Variants in SGCZ observed in about 807,000 individuals in gnomAD.
SGCZ encodes zeta-sarcoglycan.
SGCZ carries 40 observed loss-of-function variants against 41.3 expected under a neutral mutation model. That is an observed-to-expected ratio of 0.97 (90% CI 0.75 to 1.26). The LOEUF is 1.26. SGCZ is among the 50% of genes most tolerant of loss of function. The probability of loss-of-function intolerance (pLI) is 0.00; values close to 1 mark genes in which losing one functional copy is unlikely to be tolerated. For missense variants in SGCZ, 552 were observed against 369.8 expected, an observed-to-expected ratio of 1.49 and a Z score of -4.04; for synonymous variants, 206 against 137.5, an observed-to-expected ratio of 1.50 and a Z score of -3.49.
At chr8:15,030,309 G>A (rs1027127307) in intron 1 of SGCZ, among the ~76,000 whole-genome samples, 17 of 151,866 alleles carry the variant, frequency 1.1e-4, no homozygotes, top group East Asian at 1.9e-4. Context: ...AAAATAGCAC[G>A]GTGAAAATCT....
chr8:14,924,288 G>A (rs763438509), intron 1 of SGCZ, among the ~76,000 whole-genome samples: 1 of 152,134 alleles, frequency 6.6e-6, no homozygotes, highest in Admixed American at 6.5e-5. Flanking sequence ...TAGAAATGAA[G>A]TTTTTCACTC....
chr8:15,080,144 G>A (rs967501874), intron 1 of SGCZ, among the ~76,000 whole-genome samples: 1 of 152,084 alleles, frequency 6.6e-6, no homozygotes, highest in African/African-American at 2.4e-5. Context: ...ATTTGCAGTG[G>A]AGGCAGAGAG....
intron 1 of SGCZ, among the ~76,000 whole-genome samples, chr8:14,593,559 T>C (rs17250457): frequency 0.21 from 32,207 of 152,118 alleles, 3,509 homozygotes; most frequent in Admixed American, 0.26. Context: ...ATGTCACAGG[T>C]ATTAATTTTC....
chr8:15,224,801 G>A (rs553972861), intron 1 of SGCZ, among the ~76,000 whole-genome samples: 1 of 152,224 alleles, frequency 6.6e-6, no homozygotes, highest in South Asian at 2.1e-4. Flanking sequence ...CGTAAAAGCT[G>A]ATATAGCTAT....
chr8:14,263,280 G>C (rs145809171), intron 3 of SGCZ, among the ~76,000 whole-genome samples: 1 of 152,130 alleles, frequency 6.6e-6, no homozygotes, highest in African/African-American at 2.4e-5. Flanking sequence ...ATCAGAAAAG[G>C]CCTCATGCCT....
intron 2 of SGCZ, among the ~76,000 whole-genome samples, chr8:14,375,902 C>T (rs985456187): frequency 6.6e-6 from 1 of 152,108 alleles, no homozygotes; most frequent in Admixed American, 6.5e-5. Flanking sequence ...AAATTGAAAG[C>T]TTAAATTATC....
chr8:14,098,990 A>C (rs1801929126), intron 7 of SGCZ, among the ~76,000 whole-genome samples: 3 of 152,140 alleles, frequency 2.0e-5, no homozygotes, highest in Non-Finnish European at 4.4e-5. Context: ...AAATTCCATA[A>C]GTTTCTGAGA....
At chr8:14,548,794 C>G (rs531910488) in intron 2 of SGCZ, among the ~76,000 whole-genome samples, 3 of 152,096 alleles carry the variant, frequency 2.0e-5, no homozygotes, top group Non-Finnish European at 4.4e-5. Context: ...ATCAGAATAT[C>G]CTGCATATGA....
At chr8:14,384,771 G>C (rs771112705) in intron 2 of SGCZ, among the ~76,000 whole-genome samples, 1 of 152,122 alleles carries the variant, frequency 6.6e-6, no homozygotes, top group Non-Finnish European at 1.5e-5. Context: ...GGCTGGTCTT[G>C]AACTCCTGGT....
chr8:14,093,603 G>A (rs1258835373), intron 7 of SGCZ, among the ~76,000 whole-genome samples: 6 of 152,162 alleles, frequency 3.9e-5, no homozygotes, highest in African/African-American at 1.2e-4. Context: ...TATTAACTGG[G>A]TGGTTGTGAA....
chr8:14,225,675 T>C (rs1254628560), intron 4 of SGCZ, among the ~76,000 whole-genome samples: 1 of 152,120 alleles, frequency 6.6e-6, no homozygotes, highest in Non-Finnish European at 1.5e-5. Context: ...TCATTGTATG[T>C]ATAATGAGCA....
chr8:14,554,819 T>C lies in SGCZ; in HGVS notation c.147A>G (p.Leu49=), dbSNP rs753136540. ...CCAACAGCAGAAGGACAAAGAAGTATAAGCACCTCTTTCGCCATCCATAAA... is the reference window on the plus strand; with the variant it reads ...CCAACAGCAGAAGGACAAAGAAGTACAAGCACCTCTTTCGCCATCCATAAA... ...VGIYGWRKRC[L]YFFVLLLLVT... is the part of the protein sequence containing the mutation. Residue 49 remains leucine (L), a synonymous_variant, in exon 2 of 8, where the codon TTA becomes TTG. Coordinates refer to ENST00000382080, the MANE Select transcript of SGCZ (RefSeq NM_139167.4). The C allele has an allele frequency of 5.6e-6, 9 of 1,613,274 alleles. No homozygotes were observed. The South Asian group carries it at 9.9e-5, about 18-fold the overall frequency.
chr8:15,211,804 T>G (rs900779642), intron 1 of SGCZ, among the ~76,000 whole-genome samples: 1 of 152,138 alleles, frequency 6.6e-6, no homozygotes, highest in South Asian at 2.1e-4. Context: ...AACAGACTGA[T>G]TTTTTAGTAG....
At chr8:14,585,224 G>A (rs548835710) in intron 1 of SGCZ, among the ~76,000 whole-genome samples, 36 of 152,124 alleles carry the variant, frequency 2.4e-4, no homozygotes, top group African/African-American at 8.7e-4. Context: ...CATTCTTCTG[G>A]TTCTCTAGTT....
chr8:14,474,094 G>C (rs1263157336), intron 2 of SGCZ, among the ~76,000 whole-genome samples: 9 of 152,232 alleles, frequency 5.9e-5, no homozygotes, highest in East Asian at 1.9e-4. Context: ...AACAGAAATA[G>C]AATCTTTCTA....
At chr8:14,606,787 T>C (rs767070269) in intron 1 of SGCZ, among the ~76,000 whole-genome samples, 16 of 152,214 alleles carry the variant, frequency 1.1e-4, no homozygotes, top group East Asian at 9.6e-4. Flanking sequence ...GAAGAAATGC[T>C]ATGATGTGGT....
chr8:14,199,000 G>C (rs559437693), intron 4 of SGCZ, among the ~76,000 whole-genome samples: 1 of 152,272 alleles, frequency 6.6e-6, no homozygotes, highest in South Asian at 2.1e-4. Context: ...TGTTTGTAGA[G>C]CATGTGTGTT....
Position 15,237,584 on chromosome 8 carries a change from C to G in SGCZ, c.39+1G>C, listed in dbSNP as rs1585705969. ...CGAAGCCCGCCCGGACCCGCACGTA[C>G]CTTGAGCTCCTCAATGTCCAGGTTC... is the stretch of plus-strand genomic sequence containing the variant. On this transcript the variant is annotated splice_donor_variant, in intron 1 of 7. Transcript: ENST00000382080. LOFTEE classifies it high-confidence loss of function. 1 of 1,589,360 alleles carries G rather than the reference C, an allele frequency of 6.3e-7. No homozygotes were observed. The highest frequency in any genetic ancestry group is 1.7e-5 in the Admixed American group (1 of 57,802).
At chr8:15,229,771 C>T (rs554371631) in intron 1 of SGCZ, among the ~76,000 whole-genome samples, 2 of 152,282 alleles carry the variant, frequency 1.3e-5, no homozygotes, top group South Asian at 4.1e-4. Context: ...TTTATTGTAT[C>T]ATGTTTCACA....
Sources: allele counts gnomAD v4.1 joint callset (sites outside exome capture counted in the v4.1 genomes callset), GRCh38; gene constraint gnomAD v4.1.1; transcripts MANE v1.5; gene names NCBI Gene and HGNC (gene_info 2026-07-23, HGNC 2026-07-21).